The following WDR70 variants were observed in gnomAD, a reference collection of about 807,000 sequenced individuals.
The protein encoded by WDR70 is WD repeat domain 70.
Under a neutral mutation model 88.6 loss-of-function variants are expected in WDR70, and 53 were observed. That is an observed-to-expected ratio of 0.60 (90% confidence interval 0.48 to 0.75). The LOEUF (loss-of-function observed/expected upper bound fraction) is 0.75, where lower values mean the gene tolerates loss of function less well. WDR70 is among the 30% of genes least tolerant of loss of function. The pLI, the probability that WDR70 is intolerant of heterozygous loss-of-function variation, is 0.00. For synonymous variants in WDR70, 280 were observed against 270.0 expected (o/e 1.04, Z -0.36); for missense variants, 610 against 823.2 (o/e 0.74, Z 3.17).
chr5:37,521,556 T>G (rs761062967), intron 9 of WDR70, among the ~76,000 whole-genome samples: 1 of 152,194 alleles, frequency 6.6e-6, no homozygotes, highest in Non-Finnish European at 1.5e-5. Flanking sequence ...TTCTCATTGC[T>G]TAGCTCCCAC....
chr5:37,565,062 A>G (rs1276293257), intron 9 of WDR70, among the ~76,000 whole-genome samples: 1 of 152,208 alleles, frequency 6.6e-6, no homozygotes, highest in Non-Finnish European at 1.5e-5. Flanking sequence ...AAACTTAACC[A>G]CTTTACATGA....
rs35972019 is a variant in WDR70 at position 37,467,534 on chromosome 5, ATTTTT to A, written c.687-12284_687-12280del. On this transcript the variant is annotated intron_variant, in intron 7 of 17. Transcript: ENST00000265107. The stretch of plus-strand genomic sequence containing the variant: ...TGGGGGTTAGGGCTTTATCATATGA[ATTTTT>A]TTTTTTTTTTTTTTTGAGACAGAGT... Among the ~76,000 whole-genome samples, 271 of 124,532 alleles carry A rather than the reference ATTTTT, an allele frequency of 2.2e-3. 1 individual carries two copies. Among genetic ancestry groups the A allele is most frequent in the Admixed American group, 9.1e-3 (111 of 12,190 alleles). 81.7% of individuals were successfully genotyped at this position (124,532 alleles called of 152,430 possible). A position where few individuals can be genotyped will look rare whatever the true frequency, so the allele number is the denominator to read the frequency against.
At chr5:37,441,983 A>G (rs1045837030) in intron 6 of WDR70, among the ~76,000 whole-genome samples, 3 of 151,824 alleles carry the variant, frequency 2.0e-5, no homozygotes, top group South Asian at 2.1e-4. Flanking sequence ...TGAGTTACAC[A>G]TTGGATATTG....
At chr5:37,599,595 A>T (rs1209611067) in intron 9 of WDR70, among the ~76,000 whole-genome samples, 1 of 152,194 alleles carries the variant, frequency 6.6e-6, no homozygotes, top group Non-Finnish European at 1.5e-5. Context: ...TCCATATGTA[A>T]AAAGGTGAAT....
chr5:37,723,196 G>GT lies in WDR70; in HGVS notation c.1597+268dup, dbSNP rs1747874802. The GT allele has an allele frequency of 6.9e-6, 3 of 435,296 alleles. No individual in the cohort carries two copies. In the South Asian group the frequency reaches 1.1e-4, roughly 17 times the overall value. 27.0% of individuals were successfully genotyped at this position (435,296 alleles called of 1,614,324 possible). On this transcript the variant is annotated intron_variant, in intron 15 of 17. Transcript: ENST00000265107. The stretch of plus-strand genomic sequence containing the variant: ...GAGTCCAATACATTACTTTATAGCA[G>GT]TTTTTTCAAGAGTAACAGTCTATTC...
At chr5:37,444,483 G>C (rs1220517131) in intron 7 of WDR70, among the ~76,000 whole-genome samples, 2 of 151,484 alleles carry the variant, frequency 1.3e-5, no homozygotes, top group African/African-American at 4.8e-5. Flanking sequence ...GGACTATATG[G>C]GTGTGCACCA....
At chr5:37,547,676 G>A (rs544192615) in intron 9 of WDR70, among the ~76,000 whole-genome samples, 86 of 151,868 alleles carry the variant, frequency 5.7e-4, no homozygotes, top group Non-Finnish European at 1.1e-3. Flanking sequence ...TTAAATGTAC[G>A]ATTAAATGAT....
At chr5:37,557,134 G>A (rs1445200370) in intron 9 of WDR70, among the ~76,000 whole-genome samples, 1 of 150,830 alleles carries the variant, frequency 6.6e-6, no homozygotes, top group Non-Finnish European at 1.5e-5. Context: ...GGTGGTACTT[G>A]AATATGGAAT....
intron 3 of WDR70, among the ~76,000 whole-genome samples, chr5:37,383,667 C>T (rs1014918758): frequency 6.6e-6 from 1 of 152,038 alleles, no homozygotes; most frequent in African/African-American, 2.4e-5. Flanking sequence ...GCAAGCTCCG[C>T]CTCCCGGGTT....
chr5:37,419,071 T>A (rs1303290452), intron 5 of WDR70, among the ~76,000 whole-genome samples: 1 of 152,016 alleles, frequency 6.6e-6, no homozygotes, highest in East Asian at 1.9e-4. Context: ...GCCCAGTAAT[T>A]TCTGTAAAGT....
In WDR70 at chr5:37,401,402, G is replaced by A. The variant is rs192245606; in HGVS notation, c.492+4832G>A. ...GCAATCTCGGCTCACTGCAACCTCC[G>A]CCTCCTGGGTTCAAGCAATTCTCCT... On this transcript the variant is annotated intron_variant, in intron 5 of 17. Transcript: ENST00000265107. Among the ~76,000 whole-genome samples the A allele has an allele frequency of 5.8e-4, 86 of 148,494 alleles. 1 individual carries two copies. Among genetic ancestry groups the A allele is most frequent in the African/African-American group, 2.0e-3 (82 of 40,326 alleles).
intron 9 of WDR70, among the ~76,000 whole-genome samples, chr5:37,571,466 T>C (rs1375789314): frequency 6.6e-6 from 1 of 152,190 alleles, no homozygotes; most frequent in African/African-American, 2.4e-5. Flanking sequence ...TGGAATAAAT[T>C]TGATAACTTC....
chr5:37,633,177 C>T (rs1744865815), intron 10 of WDR70, among the ~76,000 whole-genome samples: 1 of 152,118 alleles, frequency 6.6e-6, no homozygotes, highest in Non-Finnish European at 1.5e-5. Context: ...AACTTATTCT[C>T]ATTGTTTAGT....
intron 10 of WDR70, among the ~76,000 whole-genome samples, chr5:37,607,663 T>C (rs940366197): frequency 9.2e-5 from 14 of 152,168 alleles, no homozygotes; most frequent in Admixed American, 2.0e-4. Flanking sequence ...CTGGACACTT[T>C]TTAGGTACCC....
intron 10 of WDR70, among the ~76,000 whole-genome samples, chr5:37,616,452 C>G (rs11950295): frequency 0.46 from 70,523 of 151,942 alleles, 17,976 homozygotes; most frequent in Non-Finnish European, 0.58. Context: ...ACTTTGTTCC[C>G]TTATGATTAT....
At chr5:37,506,050 G>A (rs933020101) in intron 8 of WDR70, 14 of 1,370,554 alleles carry the variant, frequency 1.0e-5, no homozygotes, top group Middle Eastern at 2.5e-4. Flanking sequence ...GCACAGTCAA[G>A]CACTGATCCA....
At chr5:37,630,825 T>C (rs545896233) in intron 10 of WDR70, among the ~76,000 whole-genome samples, 2 of 152,306 alleles carry the variant, frequency 1.3e-5, no homozygotes, top group South Asian at 4.1e-4. Context: ...GGTAACAAGA[T>C]GGCACTCTGC....
At chr5:37,620,729 A>G (rs576177532) in intron 10 of WDR70, among the ~76,000 whole-genome samples, 2 of 152,208 alleles carry the variant, frequency 1.3e-5, no homozygotes, top group African/African-American at 4.8e-5. Flanking sequence ...AAACACTTCT[A>G]AAGCATGCCT....
At chr5:37,562,139 C>T (rs927044874) in intron 9 of WDR70, among the ~76,000 whole-genome samples, 2 of 152,192 alleles carry the variant, frequency 1.3e-5, no homozygotes, top group Non-Finnish European at 2.9e-5. Flanking sequence ...AGGTGGATCA[C>T]TTGAGGCCAG....
Sources: gnomAD v4.1 joint callset for allele counts (sites outside exome capture counted in the v4.1 genomes callset) on GRCh38, gnomAD v4.1.1 for gene constraint, MANE v1.5 for transcripts, NCBI Gene and HGNC (gene_info 2026-07-23, HGNC 2026-07-21) for gene names.